The following JMJD7 variants were observed in gnomAD, a reference collection of about 807,000 sequenced individuals.
JMJD7 encodes bifunctional peptidase and (3S)-lysyl hydroxylase JMJD7.
A neutral mutation model predicts 41.1 loss-of-function variants in JMJD7; 41 were observed. That is an observed-to-expected ratio of 1.00 (90% CI 0.78 to 1.30). The LOEUF is 1.30. Among genes scored for constraint, JMJD7 ranks in the 50% most tolerant of loss-of-function variants. The probability of loss-of-function intolerance (pLI) is 0.00; values close to 1 mark genes in which losing one functional copy is unlikely to be tolerated. For synonymous variants in JMJD7, 202 were observed against 177.2 expected, an observed-to-expected ratio of 1.14 and a Z score of -1.11; for missense variants, 480 against 420.7, an observed-to-expected ratio of 1.14 and a Z score of -1.23.
chr15:41,828,839 ATAG>A (rs2065183545), intron 1 of JMJD7, among the ~76,000 whole-genome samples: 1 of 152,138 alleles, frequency 6.6e-6, no homozygotes, highest in South Asian at 2.1e-4. Flanking sequence ...TTTTGTACAA[ATAG>A]TAGCCTGCTA....
chr15:41,831,950 G>C (rs1050492684), intron 1 of JMJD7, among the ~76,000 whole-genome samples: 1 of 152,124 alleles, frequency 6.6e-6, no homozygotes, highest in Non-Finnish European at 1.5e-5. Flanking sequence ...GCGGCCCTTT[G>C]GGGAGTCCAG....
At chr15:41,828,916 C>T (rs188340261) in intron 1 of JMJD7, among the ~76,000 whole-genome samples, 1 of 152,336 alleles carries the variant, frequency 6.6e-6, no homozygotes, top group Admixed American at 6.5e-5. Flanking sequence ...CAGTCTTTTT[C>T]ACGTCTGTGT....
Position 41,831,359 on chromosome 15 carries a change from T to C in JMJD7, c.64+3171T>C, listed in dbSNP as rs183550989. ...GGTCTTCTCACTCAGTTACAATATT[T>C]GATCTAAGAACATTCACTTTCCAAC... is the stretch of plus-strand genomic sequence containing the variant. On this transcript the variant is annotated intron_variant, in intron 1 of 7. Coordinates refer to ENST00000397299, the MANE Select transcript of JMJD7 (RefSeq NM_001114632.2). Among the ~76,000 whole-genome samples the C allele has an allele frequency of 1.3e-3, 195 of 152,254 alleles. 2 individuals carry two copies. The highest frequency in any genetic ancestry group is 4.6e-3 in the African/African-American group (192 of 41,550).
chr15:41,836,747 G>A (rs2065324389), intron 6 of JMJD7, 34 bp from the exon 7 acceptor site: 1 of 1,571,770 alleles, frequency 6.4e-7, no homozygotes. Flanking sequence ...GGGGGGTCTG[G>A]GGGGCTGCTC....
At chr15:41,828,218 T>C in intron 1 of JMJD7, 30 bp downstream of exon 1, 2 of 1,495,574 alleles carry the variant, frequency 1.3e-6, no homozygotes, top group Non-Finnish European at 1.8e-6. Context: ...GCTGCGGCGA[T>C]TTCCGAACAC....
At chr15:41,833,861 A>C (rs1450882105) in intron 1 of JMJD7, among the ~76,000 whole-genome samples, 1 of 152,162 alleles carries the variant, frequency 6.6e-6, no homozygotes, top group South Asian at 2.1e-4. Context: ...GTGATATTTG[A>C]GTGAGGACCC....
chr15:41,832,918 A>G lies in JMJD7; in HGVS notation c.65-1822A>G, dbSNP rs2065249809. 3.9e-5 allele frequency among the ~76,000 whole-genome samples: 6 copies of G among 152,210 alleles called. No homozygotes were observed. The South Asian group carries it at 1.2e-3, about 32-fold the overall frequency. On this transcript the variant is annotated intron_variant, in intron 1 of 7. Coordinates refer to ENST00000397299, the MANE Select transcript of JMJD7 (RefSeq NM_001114632.2). ...ACTTTATAAAAACCAGTAGAAAGAC[A>G]CTCCAGTCTGAGTGAGCAGCTGGAA... is the stretch of plus-strand genomic sequence containing the variant.
intron 5 of JMJD7, 74 bp downstream of exon 5, chr15:41,836,317 G>C (rs1298408176): frequency 1.3e-6 from 2 of 1,592,584 alleles, no homozygotes; most frequent in Non-Finnish European, 1.7e-6. Flanking sequence ...AAGAGCCTGG[G>C]AGGCCAGTTC....
chr15:41,831,331 T>G (rs914804944), intron 1 of JMJD7, among the ~76,000 whole-genome samples: 2 of 152,046 alleles, frequency 1.3e-5, no homozygotes, highest in African/African-American at 2.4e-5. Flanking sequence ...CTGGGCCCAG[T>G]GGGGTCTTCT....
intron 5 of JMJD7, 79 bp from the exon 6 acceptor site, chr15:41,836,396 G>A: frequency 6.4e-7 from 1 of 1,553,772 alleles, no homozygotes; most frequent in East Asian, 2.4e-5. Context: ...CCCTGCCCAG[G>A]GCTGGCTGGG....
rs756160072 is a variant in JMJD7 at position 41,837,161 on chromosome 15, G to A, written c.*5G>A. ...AAGGCTTCAGGCCTTGACTGATGGA[G>A]CACTGGTGAACACCACCAAGCACGC... On this transcript the variant is annotated 3_prime_UTR_variant, in exon 8 of 8. Transcript: ENST00000397299. The A allele has an allele frequency of 5.0e-6, 8 of 1,604,640 alleles. No homozygotes were observed. The highest frequency in any genetic ancestry group is 2.2e-5 in the East Asian group (1 of 44,734).
chr15:41,836,592 A>T lies in JMJD7; in HGVS notation c.702+41A>T, dbSNP rs910189435. 14 of 1,513,118 alleles carry T rather than the reference A, an allele frequency of 9.3e-6. No individual in the cohort carries two copies. In the Admixed American group the frequency reaches 2.7e-4, roughly 29 times the overall value. 93.7% of individuals were successfully genotyped at this position (1,513,118 alleles called of 1,614,324 possible). A position where few individuals can be genotyped will look rare whatever the true frequency, so the allele number is the denominator to read the frequency against. ...TTGGGCTCTAGGGAGGGAGAAGGGCAGAAGCCTGGCTCTGAAGAACAGGCA... is the reference window on the plus strand; with the variant it reads ...TTGGGCTCTAGGGAGGGAGAAGGGCTGAAGCCTGGCTCTGAAGAACAGGCA... On this transcript the variant is annotated intron_variant, in intron 6 of 7. Coordinates refer to ENST00000397299, the MANE Select transcript of JMJD7 (RefSeq NM_001114632.2).
Position 41,828,972 on chromosome 15 carries a change from T to A in JMJD7, c.64+784T>A, listed in dbSNP as rs372925822. 4 of 152,398 alleles carry A rather than the reference T, an allele frequency of 2.6e-5. No individual in the cohort carries two copies. In the East Asian group the frequency reaches 5.8e-4, roughly 22 times the overall value. 9.4% of individuals were successfully genotyped at this position (152,398 alleles called of 1,614,324 possible). On this transcript the variant is annotated intron_variant, in intron 1 of 7. Transcript: ENST00000397299. Reference sequence around the variant, plus strand: ...GTCATTTAGGTCATGTCCAATCCGTTGTTTTCAATAATGCTGCAACGAATA... The same window carrying A: ...GTCATTTAGGTCATGTCCAATCCGTAGTTTTCAATAATGCTGCAACGAATA...
chr15:41,831,694 T>C (rs773826008), intron 1 of JMJD7, among the ~76,000 whole-genome samples: 36 of 152,158 alleles, frequency 2.4e-4, no homozygotes, highest in Non-Finnish European at 4.3e-4. Flanking sequence ...TGAACACTCG[T>C]TGGGACACCC....
chr15:41,837,220 G>A lies in JMJD7; in HGVS notation c.*64G>A, dbSNP rs2065337479. On this transcript the variant is annotated 3_prime_UTR_variant, in exon 8 of 8. Coordinates refer to ENST00000397299, the MANE Select transcript of JMJD7 (RefSeq NM_001114632.2). ...ACGGAGCCAGCCCCTCCCTGGCCAG[G>A]TCAATTCTCGAGAGAGCCTGGAGTG... is the stretch of plus-strand genomic sequence containing the variant. 4.3e-6 allele frequency: 5 copies of A among 1,174,670 alleles called. No individual in the cohort carries two copies. The allele number at this position is 1,174,670 out of a possible 1,614,324, so 72.8% of individuals were successfully genotyped here. A position where few individuals can be genotyped will look rare whatever the true frequency, so the allele number is the denominator to read the frequency against.
intron 1 of JMJD7, chr15:41,832,549 CT>C (rs1349975494): frequency 6.6e-6 from 1 of 152,380 alleles, no homozygotes; most frequent in African/African-American, 2.4e-5. Flanking sequence ...CTGGGAAGGC[CT>C]TTGCCACTTT....
intron 1 of JMJD7, among the ~76,000 whole-genome samples, chr15:41,833,185 C>T (rs540304608): frequency 5.3e-5 from 8 of 152,034 alleles, no homozygotes; most frequent in African/African-American, 1.9e-4. Context: ...GCCAGAGAAA[C>T]CAGCTAGTTC....
Position 41,837,196 on chromosome 15 carries a change from C to T in JMJD7, c.*40C>T, listed in dbSNP as rs753213318. 31 of 1,416,598 alleles carry T rather than the reference C, an allele frequency of 2.2e-5. No individual in the cohort carries two copies. Among genetic ancestry groups the T allele is most frequent in the Admixed American group, 3.7e-5 (2 of 54,040 alleles). The allele number at this position is 1,416,598 out of a possible 1,614,324, so 87.8% of individuals were successfully genotyped here. A position where few individuals can be genotyped will look rare whatever the true frequency, so the allele number is the denominator to read the frequency against. ...ACACCACCAAGCACGCCTCGGGGGA[C>T]GGAGCCAGCCCCTCCCTGGCCAGGT... On this transcript the variant is annotated 3_prime_UTR_variant, in exon 8 of 8. Coordinates refer to ENST00000397299, the MANE Select transcript of JMJD7 (RefSeq NM_001114632.2).
chr15:41,830,084 G>C (rs1269743905), intron 1 of JMJD7, among the ~76,000 whole-genome samples: 1 of 152,152 alleles, frequency 6.6e-6, no homozygotes, highest in Non-Finnish European at 1.5e-5. Context: ...TGAGTCCCCT[G>C]TTCCCTGCAT....
Sources: allele counts gnomAD v4.1 joint callset (sites outside exome capture counted in the v4.1 genomes callset), GRCh38; gene constraint gnomAD v4.1.1; transcripts MANE v1.5; gene names NCBI Gene and HGNC (gene_info 2026-07-23, HGNC 2026-07-21).